Variants in RNF144B observed in about 807,000 individuals in gnomAD.
RNF144B encodes E3 ubiquitin-protein ligase RNF144B.
Under a neutral mutation model 40.2 loss-of-function variants are expected in RNF144B, and 25 were observed. That is an observed-to-expected ratio of 0.62 (90% CI 0.45 to 0.87). The LOEUF (loss-of-function observed/expected upper bound fraction) is 0.87, where lower values mean the gene tolerates loss of function less well. Among genes scored for constraint, RNF144B ranks in the 40% least tolerant of loss-of-function variants. The pLI is 0.00. For synonymous variants in RNF144B, 145 were observed against 136.3 expected, an observed-to-expected ratio of 1.06 and a Z score of -0.44; for missense variants, 365 against 373.7, an observed-to-expected ratio of 0.98 and a Z score of 0.19.
Position 18,406,221 on chromosome 6 carries a change from A to AGGGTGAGGGGGGTCAGGAG in RNF144B, c.165+6523_165+6541dup, listed in dbSNP as rs1259608782. 3.9e-6 allele frequency: 2 copies of AGGGTGAGGGGGGTCAGGAG among 511,358 alleles called. No homozygotes were observed. The highest frequency in any genetic ancestry group is 1.9e-5 in the African/African-American group (1 of 51,694). 31.7% of individuals were successfully genotyped at this position (511,358 alleles called of 1,614,324 possible). The stretch of plus-strand genomic sequence containing the variant: ...GTGATGGTTTGTGCTATGGAAAAAT[A>AGGGTGAGGGGGGTCAGGAG]GGGTGAGGGGGGTCAGGAGTGCTGT... On this transcript the variant is annotated intron_variant, in intron 2 of 7. Coordinates refer to ENST00000259939, the MANE Select transcript of RNF144B (RefSeq NM_182757.4). This position sits in a 1 kb window ranked among gnomAD's most constrained non-coding sequence, Gnocchi z 4.2.
rs1759530412 is a variant in RNF144B at position 18,464,354 on chromosome 6, G to A, written c.772-573G>A. On this transcript the variant is annotated intron_variant, in intron 7 of 7. Transcript: ENST00000259939. The surrounding 1 kb of genome is among the most constrained non-coding windows in gnomAD (Gnocchi z 6.1). Reference sequence around the variant, plus strand: ...ACTGAGCTTGCGACAGCTTGAGTTAGCATTTGGATGGTTTCCATCCTTGAT... The same window carrying A: ...ACTGAGCTTGCGACAGCTTGAGTTAACATTTGGATGGTTTCCATCCTTGAT... Among the ~76,000 whole-genome samples, 1 of 152,150 alleles carries A rather than the reference G, an allele frequency of 6.6e-6. No individual in the cohort carries two copies. Among genetic ancestry groups the A allele is most frequent in the South Asian group, 2.1e-4 (1 of 4,832 alleles).
chr6:18,408,780 T>C (rs2113473112), intron 2 of RNF144B, among the ~76,000 whole-genome samples: 1 of 152,296 alleles, frequency 6.6e-6, no homozygotes, highest in African/African-American at 2.4e-5. Flanking sequence ...TCTCCTTACT[T>C]CCTTATAGGC....
At chr6:18,433,738 A>G (rs1473158748) in intron 3 of RNF144B, among the ~76,000 whole-genome samples, 1 of 152,152 alleles carries the variant, frequency 6.6e-6, no homozygotes, top group Non-Finnish European at 1.5e-5. Flanking sequence ...TGATGCCCAC[A>G]TATGGTTTCC....
rs1794886847 is a variant in RNF144B at position 18,405,522 on chromosome 6, C to T, written c.165+5823C>T. 6.6e-6 allele frequency among the ~76,000 whole-genome samples: 1 copy of T among 152,040 alleles called. No individual in the cohort carries two copies. The highest frequency in any genetic ancestry group is 1.5e-5 in the Non-Finnish European group (1 of 68,020). On this transcript the variant is annotated intron_variant, in intron 2 of 7. Coordinates refer to ENST00000259939, the MANE Select transcript of RNF144B (RefSeq NM_182757.4). The surrounding 1 kb of genome is among the most constrained non-coding windows in gnomAD (Gnocchi z 4.5). Reference sequence around the variant, plus strand: ...CCTTAACTTTGCTTGGGGTGGTTAGCAGTAAATCAGTGAATTTGTCTTTGT... The same window carrying T: ...CCTTAACTTTGCTTGGGGTGGTTAGTAGTAAATCAGTGAATTTGTCTTTGT...
intron 1 of RNF144B, 57 bp from the exon 2 acceptor site, chr6:18,399,442 G>T (rs564237612): frequency 3.9e-6 from 5 of 1,275,684 alleles, no homozygotes; most frequent in South Asian, 2.9e-5. Context: ...AGACGTGTTG[G>T]CTAAACAATA....
intron 2 of RNF144B, among the ~76,000 whole-genome samples, chr6:18,407,085 G>T (rs6931580): frequency 0.2 from 30,104 of 151,984 alleles, 2,945 homozygotes; most frequent in African/African-American, 0.23. Flanking sequence ...ACATCTGGGG[G>T]TTATAATTCA....
rs1310642801 is a variant in RNF144B, at chr6:18,411,132, G to A, written c.165+11433G>A. Among the ~76,000 whole-genome samples, 13 of 151,780 alleles carry A rather than the reference G, an allele frequency of 8.6e-5. No homozygotes were observed. The South Asian group carries it at 1.0e-3, about 12-fold the overall frequency. ...CCTGAGTAGCTGGGACTACAGGCACGTGCCACCACTCCCAGGGAATTTTTG... is the reference window on the plus strand; with the variant it reads ...CCTGAGTAGCTGGGACTACAGGCACATGCCACCACTCCCAGGGAATTTTTG... On this transcript the variant is annotated intron_variant, in intron 2 of 7. Coordinates refer to ENST00000259939, the MANE Select transcript of RNF144B (RefSeq NM_182757.4).
chr6:18,457,246 G>A lies in RNF144B; in HGVS notation c.423G>A (p.Val141=), dbSNP rs775043382. ...CCTCGAGTGACCCAGGACAGCCTGT[G>A]CTGGTGGAATGCCCTTCTTGCCACC... The part of the protein sequence containing the change: ...PVASSDPGQP[V]LVECPSCHLK... The change falls in exon 5 of 8, where the codon GTG becomes GTA. Residue 141 remains valine (V), a synonymous_variant. Coordinates refer to ENST00000259939, the MANE Select transcript of RNF144B (RefSeq NM_182757.4). This position sits in a 1 kb window ranked among gnomAD's most constrained non-coding sequence, Gnocchi z 5.1. 6.2e-7 allele frequency: 1 copy of A among 1,613,888 alleles called. No individual in the cohort carries two copies. The highest frequency in any genetic ancestry group is 1.1e-5 in the South Asian group (1 of 91,074).
chr6:18,442,005 T>C lies in RNF144B; in HGVS notation c.331+2261T>C, dbSNP rs1241748157. 6.6e-6 allele frequency among the ~76,000 whole-genome samples: 1 copy of C among 152,230 alleles called. No individual in the cohort carries two copies. Among genetic ancestry groups the C allele is most frequent in the Non-Finnish European group, 1.5e-5 (1 of 68,038 alleles). Reference sequence around the variant, plus strand: ...TAATCATACCGTTCTTCAGGAAATATCATCATACTGAAGTAGATATTATTG... The same window carrying C: ...TAATCATACCGTTCTTCAGGAAATACCATCATACTGAAGTAGATATTATTG... On this transcript the variant is annotated intron_variant, in intron 4 of 7. Coordinates refer to ENST00000259939, the MANE Select transcript of RNF144B (RefSeq NM_182757.4). The surrounding 1 kb of genome is among the most constrained non-coding windows in gnomAD (Gnocchi z 4.3).
chr6:18,435,877 T>G (rs1582429897), intron 3 of RNF144B, among the ~76,000 whole-genome samples: 7 of 110,976 alleles, frequency 6.3e-5, no homozygotes, highest in South Asian at 6.6e-4. Context: ...TGTTGTGGGG[T>G]TGGGGGAGGG....
Position 18,457,054 on chromosome 6 carries a change from C to T in RNF144B, c.332-101C>T. ...CCAGCCTGGGCGACAGAGTGAGACT[C>T]TGGTTCCAAATAAATTAAATAAATA... On this transcript the variant is annotated intron_variant, in intron 4 of 7. Coordinates refer to ENST00000259939, the MANE Select transcript of RNF144B (RefSeq NM_182757.4). The surrounding 1 kb of genome is among the most constrained non-coding windows in gnomAD (Gnocchi z 5.1). 1 of 991,622 alleles carries T rather than the reference C, an allele frequency of 1.0e-6. No individual in the cohort carries two copies. The highest frequency in any genetic ancestry group is 1.6e-6 in the Non-Finnish European group (1 of 620,022). The allele number at this position is 991,622 out of a possible 1,614,324, so 61.4% of individuals were successfully genotyped here. A position where few individuals can be genotyped will look rare whatever the true frequency, so the allele number is the denominator to read the frequency against.
In RNF144B at chr6:18,406,530, G is replaced by A. The variant is rs1426433697; in HGVS notation, c.165+6831G>A. Among the ~76,000 whole-genome samples, 2 of 148,736 alleles carry A rather than the reference G, an allele frequency of 1.3e-5. No homozygotes were observed. Among genetic ancestry groups the A allele is most frequent in the East Asian group, 4.1e-4 (2 of 4,892 alleles). Reference sequence around the variant, plus strand: ...GGGAGTAGTAGGAGATGAAGGCTAAGTCCCATGATCTTCTCTCTGCAAGCT... The same window carrying A: ...GGGAGTAGTAGGAGATGAAGGCTAAATCCCATGATCTTCTCTCTGCAAGCT... On this transcript the variant is annotated intron_variant, in intron 2 of 7. Transcript: ENST00000259939. This position sits in a 1 kb window ranked among gnomAD's most constrained non-coding sequence, Gnocchi z 4.2.
At chr6:18,397,904 C>A (rs1794723932) in intron 1 of RNF144B, among the ~76,000 whole-genome samples, 2 of 152,072 alleles carry the variant, frequency 1.3e-5, no homozygotes, top group South Asian at 2.1e-4. Context: ...ATCAGTATCA[C>A]AATTAATCTA....
rs1247819278 is a variant in RNF144B at position 18,442,995 on chromosome 6, C to A, written c.331+3251C>A. Reference sequence around the variant, plus strand: ...ACTGTAAGTAATGCTGCTGTGAACACTGGGGTATAATCTGAGTTTCTGCTT... The same window carrying A: ...ACTGTAAGTAATGCTGCTGTGAACAATGGGGTATAATCTGAGTTTCTGCTT... On this transcript the variant is annotated intron_variant, in intron 4 of 7. Coordinates refer to ENST00000259939, the MANE Select transcript of RNF144B (RefSeq NM_182757.4). This position sits in a 1 kb window ranked among gnomAD's most constrained non-coding sequence, Gnocchi z 4.3. Among the ~76,000 whole-genome samples the A allele has an allele frequency of 6.6e-6, 1 of 152,128 alleles. No homozygotes were observed. The highest frequency in any genetic ancestry group is 1.5e-5 in the Non-Finnish European group (1 of 68,026).
chr6:18,459,493 T>C lies in RNF144B; in HGVS notation c.537-114T>C. 1 of 1,021,880 alleles carries C rather than the reference T, an allele frequency of 9.8e-7. No individual in the cohort carries two copies. The highest frequency in any genetic ancestry group is 2.4e-5 in the East Asian group (1 of 41,026). 63.3% of individuals were successfully genotyped at this position (1,021,880 alleles called of 1,614,324 possible). A position where few individuals can be genotyped will look rare whatever the true frequency, so the allele number is the denominator to read the frequency against. ...ATGTTTTTGCCCACACCCTTTCTTT[T>C]GGAAGTGAATTAAGCATGGATAACT... On this transcript the variant is annotated intron_variant, in intron 5 of 7. Coordinates refer to ENST00000259939, the MANE Select transcript of RNF144B (RefSeq NM_182757.4). The surrounding 1 kb of genome is among the most constrained non-coding windows in gnomAD (Gnocchi z 4.2).
chr6:18,427,510 G>C (rs750867289), intron 2 of RNF144B, 71 bp from the exon 3 acceptor site: 1 of 974,120 alleles, frequency 1.0e-6, no homozygotes, highest in East Asian at 2.5e-5. Context: ...AGACACAGTG[G>C]TGGTTCTGTT....
intron 3 of RNF144B, among the ~76,000 whole-genome samples, chr6:18,439,428 A>G (rs1238354730): frequency 2.6e-5 from 4 of 152,180 alleles, no homozygotes; most frequent in Non-Finnish European, 5.9e-5. Context: ...GTAGCCACTG[A>G]CTGAAGGTAG....
At position 18,450,817 on chromosome 6, in the gene RNF144B, A is replaced by G. The variant is rs1759194220; in HGVS notation, c.332-6338A>G. On this transcript the variant is annotated intron_variant, in intron 4 of 7. Coordinates refer to ENST00000259939, the MANE Select transcript of RNF144B (RefSeq NM_182757.4). The surrounding 1 kb of genome is among the most constrained non-coding windows in gnomAD (Gnocchi z 4.7). ...GTCTGTTCTCTCTTCTACAGCTTCTAAATGCTGCCTGCAAAGTTGCTACCT... is the reference window on the plus strand; with the variant it reads ...GTCTGTTCTCTCTTCTACAGCTTCTGAATGCTGCCTGCAAAGTTGCTACCT... Among the ~76,000 whole-genome samples the G allele has an allele frequency of 6.6e-6, 1 of 152,182 alleles. No individual in the cohort carries two copies. Among genetic ancestry groups the G allele is most frequent in the Non-Finnish European group, 1.5e-5 (1 of 68,026 alleles).
intron 1 of RNF144B, chr6:18,396,769 T>G (rs1194278801): frequency 1.0e-6 from 1 of 985,240 alleles, no homozygotes; most frequent in East Asian, 1.1e-4. Flanking sequence ...CCGGGAGTAC[T>G]GGAGACGCAA....
Sources: gnomAD v4.1 joint callset for allele counts (sites outside exome capture counted in the v4.1 genomes callset) on GRCh38, gnomAD v4.1.1 for gene constraint, Gnocchi (gnomAD v3.1) non-coding constraint, MANE v1.5 for transcripts, NCBI Gene and HGNC (gene_info 2026-07-23, HGNC 2026-07-21) for gene names.